LIMS1: variants seen among roughly 807,000 people sequenced by gnomAD.
The protein encoded by LIMS1 is LIM zinc finger domain containing 1, also known as LIM and senescent cell antigen-like-containing domain protein 1.
In LIMS1, 18 loss-of-function variants were observed where a neutral mutation model predicts 44.1. That is an observed-to-expected ratio of 0.41 (90% CI 0.28 to 0.61). LIMS1 has a LOEUF of 0.61. Among genes scored for constraint, LIMS1 ranks in the 20% least tolerant of loss-of-function variants. LIMS1 has a pLI of 0.32. For missense variants in LIMS1, 201 were observed against 422.0 expected (o/e 0.48, Z 4.59); for synonymous variants, 93 against 149.1 (o/e 0.62, Z 2.74).
At chr2:108,633,435 A>G (rs1042632309) in intron 1 of LIMS1, among the ~76,000 whole-genome samples, 18 of 152,242 alleles carry the variant, frequency 1.2e-4, no homozygotes, top group Non-Finnish European at 2.5e-4. Context: ...CAGTCTGAAC[A>G]TAGTCCAAAT....
At position 108,567,005 on chromosome 2, in the gene LIMS1, C is replaced by T. The variant is rs188032162; in HGVS notation, c.32+32411C>T. Among the ~76,000 whole-genome samples, 453 of 152,290 alleles carry T rather than the reference C, an allele frequency of 3.0e-3. 1 individual carries two copies. The highest frequency in any genetic ancestry group is 5.1e-3 in the Non-Finnish European group (348 of 68,018). ...TCTTGCAGAACTGAAACTCTATATC[C>T]ATTGAATAGCAACTCCTGCTTTATC... On this transcript the variant is annotated intron_variant, in intron 1 of 9. Transcript: ENST00000544547.
intron 1 of LIMS1, among the ~76,000 whole-genome samples, chr2:108,582,349 A>C (rs554987363): frequency 4.3e-4 from 66 of 152,378 alleles, no homozygotes; most frequent in Non-Finnish European, 7.1e-4. Context: ...AATGTCATGA[A>C]GTATGCATCC....
In LIMS1 at chr2:108,564,598, T is replaced by A. The variant is rs572998446; in HGVS notation, c.32+30004T>A. Among the ~76,000 whole-genome samples the A allele has an allele frequency of 9.2e-5, 14 of 152,298 alleles. No homozygotes were observed. The East Asian group carries it at 2.7e-3, about 29-fold the overall frequency. On this transcript the variant is annotated intron_variant, in intron 1 of 9. Coordinates refer to ENST00000544547, the Ensembl canonical transcript of LIMS1. ...TTGCACTTCAAGTCTGAAGGCTGTC[T>A]AATGGCACAATTCAAACTCAGTTGT...
chr2:108,580,449 G>A (rs970207828), intron 1 of LIMS1, among the ~76,000 whole-genome samples: 1 of 152,114 alleles, frequency 6.6e-6, no homozygotes, highest in African/African-American at 2.4e-5. Context: ...GAAACAGAGA[G>A]TGGACGACAT....
intron 1 of LIMS1, among the ~76,000 whole-genome samples, chr2:108,628,458 T>C (rs1688703833): frequency 6.6e-6 from 1 of 152,212 alleles, no homozygotes; most frequent in Non-Finnish European, 1.5e-5. Flanking sequence ...TATTTGTGAA[T>C]CGATAAATGA....
At chr2:108,595,631 T>C (rs532311778) in intron 1 of LIMS1, among the ~76,000 whole-genome samples, 1 of 152,330 alleles carries the variant, frequency 6.6e-6, no homozygotes, top group Admixed American at 6.5e-5. Flanking sequence ...TTTGTTGTTG[T>C]TGTTGTTGTT....
At chr2:108,679,456 G>A (rs1692799242) in intron 8 of LIMS1, among the ~76,000 whole-genome samples, 2 of 151,930 alleles carry the variant, frequency 1.3e-5, no homozygotes, top group South Asian at 4.2e-4. Context: ...CTCCAGCCTG[G>A]GCAACAAGAG....
At chr2:108,666,271 C>G (rs560463642) in intron 2 of LIMS1, among the ~76,000 whole-genome samples, 5 of 151,942 alleles carry the variant, frequency 3.3e-5, no homozygotes, top group Admixed American at 2.6e-4. Flanking sequence ...GCTAGAGCAA[C>G]TCACAGAGCT....
chr2:108,646,822 C>T (rs1037703272), intron 1 of LIMS1, among the ~76,000 whole-genome samples: 2 of 152,206 alleles, frequency 1.3e-5, no homozygotes, highest in African/African-American at 4.8e-5. Flanking sequence ...TCTCCTGCCT[C>T]AGCCTCCCGA....
At chr2:108,646,806 T>A (rs1457151125) in intron 1 of LIMS1, among the ~76,000 whole-genome samples, 1 of 152,126 alleles carries the variant, frequency 6.6e-6, no homozygotes, top group Non-Finnish European at 1.5e-5. Context: ...CCCGAGTTCA[T>A]GCCATTCTCC....
rs370476835 is a variant in LIMS1, at chr2:108,541,241, A to G, written c.32+6647A>G. Among the ~76,000 whole-genome samples, 7 of 152,288 alleles carry G rather than the reference A, an allele frequency of 4.6e-5. No individual in the cohort carries two copies. In the East Asian group the frequency reaches 1.2e-3, roughly 25 times the overall value. Reference sequence around the variant, plus strand: ...AATGTTACCAACTACTTAAACAGATATGTTTATTTCTCATTGGTAAATGTA... The same window carrying G: ...AATGTTACCAACTACTTAAACAGATGTGTTTATTTCTCATTGGTAAATGTA... On this transcript the variant is annotated intron_variant, in intron 1 of 9. Transcript: ENST00000544547.
intron 1 of LIMS1, among the ~76,000 whole-genome samples, chr2:108,535,326 T>A (rs1298964351): frequency 6.6e-6 from 1 of 152,264 alleles, no homozygotes; most frequent in Non-Finnish European, 1.5e-5. Context: ...ACACCAAAAC[T>A]ACGTAAGTGG....
chr2:108,596,820 CA>C (rs1478139856), intron 1 of LIMS1, among the ~76,000 whole-genome samples: 2 of 134,214 alleles, frequency 1.5e-5, no homozygotes, highest in Admixed American at 7.6e-5. Context: ...AACTCCGTCT[CA>C]AAAAAAAATA....
At chr2:108,608,359 G>A (rs1687393293) in intron 1 of LIMS1, among the ~76,000 whole-genome samples, 1 of 150,192 alleles carries the variant, frequency 6.7e-6, no homozygotes, top group Non-Finnish European at 1.5e-5. Flanking sequence ...AGGCTGGAGT[G>A]CAATGGCGTG....
chr2:108,641,114 A>G (rs1013313977), intron 1 of LIMS1, among the ~76,000 whole-genome samples: 1 of 152,140 alleles, frequency 6.6e-6, no homozygotes, highest in African/African-American at 2.4e-5. Context: ...GACAGGATCT[A>G]ATTCTTTTTT....
At chr2:108,677,023 T>C (rs1273654472) in intron 7 of LIMS1, 3 of 250,158 alleles carry the variant, frequency 1.2e-5, no homozygotes, top group African/African-American at 6.7e-5. Flanking sequence ...TATCCCTAAA[T>C]ACTTCAGTGT....
In LIMS1 at chr2:108,576,147, G is replaced by A. The variant is rs1156256423; in HGVS notation, c.32+41553G>A. Among the ~76,000 whole-genome samples the A allele has an allele frequency of 2.6e-5, 4 of 152,280 alleles. No individual in the cohort carries two copies. In the East Asian group the frequency reaches 7.7e-4, roughly 29 times the overall value. On this transcript the variant is annotated intron_variant, in intron 1 of 9. Transcript: ENST00000544547. ...TATGTATGTGAAAATAACTTTTGAAGTCTTTAAGATCATCACCTTGACTGA... is the reference window on the plus strand; with the variant it reads ...TATGTATGTGAAAATAACTTTTGAAATCTTTAAGATCATCACCTTGACTGA...
At chr2:108,589,838 C>T (rs1176037103) in intron 1 of LIMS1, among the ~76,000 whole-genome samples, 1 of 151,982 alleles carries the variant, frequency 6.6e-6, no homozygotes, top group Non-Finnish European at 1.5e-5. Context: ...TGTTAATTTT[C>T]CATGTCCTCC....
intron 1 of LIMS1, among the ~76,000 whole-genome samples, chr2:108,584,712 A>G (rs1294470462): frequency 1.3e-5 from 2 of 152,146 alleles, no homozygotes; most frequent in African/African-American, 4.8e-5. Flanking sequence ...GGATGTGAGC[A>G]TTAGCGAAGG....
Sources: allele counts gnomAD v4.1 joint callset (sites outside exome capture counted in the v4.1 genomes callset), GRCh38; gene constraint gnomAD v4.1.1; transcripts MANE v1.5; gene names NCBI Gene and HGNC (gene_info 2026-07-23, HGNC 2026-07-21).